The following TSPAN9 variants were observed in gnomAD, a reference collection of about 807,000 sequenced individuals.
The protein encoded by TSPAN9 is tetraspanin 9.
TSPAN9 carries 16 observed loss-of-function variants against 31.0 expected under a neutral mutation model. The observed-to-expected ratio is 0.52, with a 90% CI of 0.35 to 0.78. The LOEUF (loss-of-function observed/expected upper bound fraction) is 0.78. Among genes scored for constraint, TSPAN9 ranks in the 30% least tolerant of loss-of-function variants. TSPAN9 has a pLI of 0.01. For missense variants in TSPAN9, 272 were observed against 312.5 expected (o/e 0.87, Z 0.98); for synonymous variants, 145 against 121.6 (o/e 1.19, Z -1.27).
intron 2 of TSPAN9, among the ~76,000 whole-genome samples, chr12:3,185,133 C>A (rs2098360498): frequency 6.6e-6 from 1 of 152,306 alleles, no homozygotes; most frequent in African/African-American, 2.4e-5. Context: ...CATTTGGAAG[C>A]AGTCATTTAA....
At chr12:3,275,830 C>T (rs936138521) in intron 3 of TSPAN9, among the ~76,000 whole-genome samples, 1 of 152,182 alleles carries the variant, frequency 6.6e-6, no homozygotes, top group African/African-American at 2.4e-5. Context: ...ATCATTCGGA[C>T]CCCCCTGCAG....
chr12:3,145,793 G>A (rs1437741795), intron 2 of TSPAN9, among the ~76,000 whole-genome samples: 1 of 152,238 alleles, frequency 6.6e-6, no homozygotes, highest in African/African-American at 2.4e-5. Flanking sequence ...AGACCATTTG[G>A]GGTGTCAGGC....
chr12:3,182,754 G>A (rs1360134734), intron 2 of TSPAN9, among the ~76,000 whole-genome samples: 1 of 152,198 alleles, frequency 6.6e-6, no homozygotes, highest in Non-Finnish European at 1.5e-5. Context: ...GGACCACCAG[G>A]CGGGGATCTG....
chr12:3,086,407 C>G (rs1036255981), intron 2 of TSPAN9, among the ~76,000 whole-genome samples: 1 of 151,610 alleles, frequency 6.6e-6, no homozygotes, highest in Non-Finnish European at 1.5e-5. Context: ...TCTGTTTTCT[C>G]TCAGGCTCCC....
rs951082093 is a variant in TSPAN9 at position 3,170,591 on chromosome 12, T to G, written c.-17-30586T>G. 1.4e-4 allele frequency among the ~76,000 whole-genome samples: 20 copies of G among 146,624 alleles called. No homozygotes were observed. The South Asian group carries it at 3.3e-3, about 24-fold the overall frequency. On this transcript the variant is annotated intron_variant, in intron 2 of 8. Transcript: ENST00000011898. The surrounding 1 kb of genome is among the most constrained non-coding windows in gnomAD (Gnocchi z 4.4). ...AAGAGATCACTGAGTCAGTTCTGTGTGGGGGGGTCGTGATGGGGGAGCAGA... is the reference window on the plus strand; with the variant it reads ...AAGAGATCACTGAGTCAGTTCTGTGGGGGGGGGTCGTGATGGGGGAGCAGA...
chr12:3,175,841 A>G (rs2098355236), intron 2 of TSPAN9, among the ~76,000 whole-genome samples: 1 of 152,198 alleles, frequency 6.6e-6, no homozygotes, highest in South Asian at 2.1e-4. Context: ...CGACCCTGGA[A>G]TCAAACAGGG....
intron 2 of TSPAN9, among the ~76,000 whole-genome samples, chr12:3,165,316 GA>G (rs1345999188): frequency 2.0e-5 from 3 of 152,212 alleles, no homozygotes; most frequent in Non-Finnish European, 2.9e-5. Flanking sequence ...TGTTGGTGGG[GA>G]AAATAGAGGG....
intron 3 of TSPAN9, among the ~76,000 whole-genome samples, chr12:3,207,903 C>A (rs1565614022): frequency 6.6e-6 from 1 of 152,204 alleles, no homozygotes; most frequent in Non-Finnish European, 1.5e-5. Context: ...TTTACATGAA[C>A]AAAGCCCCTC....
At chr12:3,226,788 A>ATTTTTTTTTT (rs2098388006) in intron 3 of TSPAN9, among the ~76,000 whole-genome samples, 1 of 9,846 alleles carries the variant, frequency 1.0e-4, no homozygotes, top group African/African-American at 5.4e-4. Flanking sequence ...ATATATATAT[A>ATTTTTTTTTT]TATATATTTT....
Position 3,113,327 on chromosome 12 carries a change from G to T in TSPAN9, c.-18+29608G>T, listed in dbSNP as rs545444428. ...TGCAAAGGATGGAGAGAGCATCCTG[G>T]TGGATGCCTGGGGAGGCTCATTCCA... On this transcript the variant is annotated intron_variant, in intron 2 of 8. Transcript: ENST00000011898. Among the ~76,000 whole-genome samples the T allele has an allele frequency of 8.5e-4, 130 of 152,256 alleles. 1 individual carries two copies. Among genetic ancestry groups the T allele is most frequent in the Admixed American group, 8.4e-3 (129 of 15,290 alleles).
chr12:3,109,210 A>C (rs1485359603), intron 2 of TSPAN9, among the ~76,000 whole-genome samples: 1 of 150,118 alleles, frequency 6.7e-6, no homozygotes, highest in Non-Finnish European at 1.5e-5. Context: ...TGCTGGGATT[A>C]CAGGTGTGAG....
At chr12:3,226,025 A>G (rs1335104426) in intron 3 of TSPAN9, among the ~76,000 whole-genome samples, 2 of 152,110 alleles carry the variant, frequency 1.3e-5, no homozygotes, top group African/African-American at 4.8e-5. Context: ...AGCCTGACTC[A>G]GGGAGAGGGG....
intron 1 of TSPAN9, among the ~76,000 whole-genome samples, chr12:3,082,448 A>G (rs1213628645): frequency 6.6e-6 from 1 of 152,210 alleles, no homozygotes; most frequent in Non-Finnish European, 1.5e-5. Context: ...TCATTCTTCC[A>G]AGAGAACTTG....
At chr12:3,206,390 C>T in intron 3 of TSPAN9, 1 of 455,884 alleles carries the variant, frequency 2.2e-6, no homozygotes, top group South Asian at 1.5e-5. Flanking sequence ...CTGCGCTGAG[C>T]ATTTGAACAC....
chr12:3,078,683 G>A (rs937193050), intron 1 of TSPAN9, among the ~76,000 whole-genome samples: 1 of 152,254 alleles, frequency 6.6e-6, no homozygotes, highest in Non-Finnish European at 1.5e-5. Context: ...TGGGTTGGAG[G>A]GAGAGGATTG....
chr12:3,269,534 G>A (rs868533531), intron 3 of TSPAN9, among the ~76,000 whole-genome samples: 316 of 88,894 alleles, frequency 3.6e-3, no homozygotes, highest in Middle Eastern at 0.012. Flanking sequence ...CCCTCCGTGC[G>A]TTCCTGCAGC....
At chr12:3,271,329 C>A (rs1380362973) in intron 3 of TSPAN9, among the ~76,000 whole-genome samples, 1 of 152,162 alleles carries the variant, frequency 6.6e-6, no homozygotes, top group Admixed American at 6.5e-5. Context: ...CCAATGGGGC[C>A]TTAGGCTGAA....
rs548175851 is a variant in TSPAN9, at chr12:3,286,396, C to T, written c.*3280C>T. The T allele has an allele frequency of 1.7e-4, 26 of 152,784 alleles. No individual in the cohort carries two copies. The highest frequency in any genetic ancestry group is 3.3e-4 in the Admixed American group (5 of 15,310). The allele number at this position is 152,784 out of a possible 1,614,324, so 9.5% of individuals were successfully genotyped here. On this transcript the variant is annotated 3_prime_UTR_variant, in exon 9 of 9. Transcript: ENST00000011898. The surrounding 1 kb of genome is among the most constrained non-coding windows in gnomAD (Gnocchi z 4.1). ...CCCTCCTTGCCCACCTGCCTGCCCC[C>T]GGGCAGCACGGGAGGGAGAGCAGGG...
chr12:3,092,069 A>G (rs972769481), intron 2 of TSPAN9, among the ~76,000 whole-genome samples: 1 of 152,260 alleles, frequency 6.6e-6, no homozygotes, highest in African/African-American at 2.4e-5. Context: ...CATCACGGAC[A>G]AGAAAAGAAA....
Sources: gnomAD v4.1 joint callset for allele counts (sites outside exome capture counted in the v4.1 genomes callset) on GRCh38, gnomAD v4.1.1 for gene constraint, Gnocchi (gnomAD v3.1) non-coding constraint, MANE v1.5 for transcripts, NCBI Gene and HGNC (gene_info 2026-07-23, HGNC 2026-07-21) for gene names.